TAFA2: variants seen among roughly 807,000 people sequenced by gnomAD.
TAFA2 encodes chemokine-like protein TAFA-2.
TAFA2 carries 7 observed loss-of-function variants against 18.8 expected under a neutral mutation model. The observed-to-expected ratio is 0.37, with a 90% confidence interval of 0.21 to 0.70. The LOEUF is 0.70. Ranked by LOEUF, TAFA2 falls within the 30% of genes least tolerant of loss-of-function variation. TAFA2 has a pLI of 0.53. For synonymous variants in TAFA2, 60 were observed against 54.2 expected (o/e 1.11, Z -0.47); for missense variants, 122 against 158.1 (o/e 0.77, Z 1.23).
intron 1 of TAFA2, among the ~76,000 whole-genome samples, chr12:62,078,261 C>T (rs1051097902): frequency 6.6e-6 from 1 of 152,162 alleles, no homozygotes; most frequent in Non-Finnish European, 1.5e-5. Flanking sequence ...CAGAGCCTAA[C>T]GTTTACCTCC....
At chr12:62,058,160 T>C (rs1259855969) in intron 1 of TAFA2, among the ~76,000 whole-genome samples, 2 of 152,218 alleles carry the variant, frequency 1.3e-5, no homozygotes, top group Non-Finnish European at 2.9e-5. Context: ...AAGTCAACTA[T>C]GCCTGTCATT....
At chr12:62,024,090 C>T (rs1881236308) in intron 1 of TAFA2, among the ~76,000 whole-genome samples, 1 of 152,110 alleles carries the variant, frequency 6.6e-6, no homozygotes, top group Admixed American at 6.6e-5. Flanking sequence ...TTGCATGCTT[C>T]CCATTTGGAG....
intron 2 of TAFA2, among the ~76,000 whole-genome samples, chr12:61,848,162 T>C (rs1383707958): frequency 6.6e-6 from 1 of 152,224 alleles, no homozygotes; most frequent in Non-Finnish European, 1.5e-5. Context: ...CAGATACACA[T>C]TTGCAAACGC....
At chr12:62,153,750 A>G (rs192562440) in intron 1 of TAFA2, among the ~76,000 whole-genome samples, 1 of 152,270 alleles carries the variant, frequency 6.6e-6, no homozygotes, top group East Asian at 1.9e-4. Context: ...TGCGGAATAA[A>G]AAGACATCTT....
chr12:62,043,510 G>C (rs1013583226), intron 1 of TAFA2, among the ~76,000 whole-genome samples: 1 of 152,090 alleles, frequency 6.6e-6, no homozygotes, highest in Non-Finnish European at 1.5e-5. Context: ...TACACCTAAT[G>C]TTAAATGGCG....
intron 2 of TAFA2, among the ~76,000 whole-genome samples, chr12:61,818,217 C>T (rs1479992062): frequency 2.6e-5 from 4 of 152,078 alleles, no homozygotes; most frequent in South Asian, 4.1e-4. Flanking sequence ...TATATTGTCA[C>T]GTCTGTCTTT....
chr12:62,156,409 T>G (rs1009898093), intron 1 of TAFA2, among the ~76,000 whole-genome samples: 3 of 152,006 alleles, frequency 2.0e-5, no homozygotes, highest in Admixed American at 2.0e-4. Flanking sequence ...GAACTAAAAG[T>G]AGAACTACCA....
chr12:61,729,838 C>G (rs1870356863), intron 4 of TAFA2, among the ~76,000 whole-genome samples: 1 of 152,060 alleles, frequency 6.6e-6, no homozygotes, highest in Admixed American at 6.6e-5. Context: ...CTGGTTCCTT[C>G]TCATTTGGGT....
chr12:62,134,930 G>T (rs1188419046), intron 1 of TAFA2, among the ~76,000 whole-genome samples: 1 of 151,734 alleles, frequency 6.6e-6, no homozygotes, highest in Non-Finnish European at 1.5e-5. Flanking sequence ...CTTTCTTCCT[G>T]ATCTCATCTC....
chr12:62,066,636 A>G (rs1198882701), intron 1 of TAFA2, among the ~76,000 whole-genome samples: 2 of 152,064 alleles, frequency 1.3e-5, no homozygotes, highest in Non-Finnish European at 2.9e-5. Flanking sequence ...GTTGTTGCAA[A>G]TAACAGGATC....
intron 1 of TAFA2, among the ~76,000 whole-genome samples, chr12:61,902,537 A>C (rs1344144500): frequency 6.6e-6 from 1 of 151,934 alleles, no homozygotes; most frequent in Non-Finnish European, 1.5e-5. Context: ...TGGCTCTCCT[A>C]TTGCCTTACT....
intron 1 of TAFA2, among the ~76,000 whole-genome samples, chr12:62,239,643 G>GA (rs1367943498): frequency 2.0e-5 from 3 of 152,074 alleles, no homozygotes; most frequent in Non-Finnish European, 4.4e-5. Context: ...ACCATGTTGT[G>GA]AAAAAAGAAA....
At chr12:61,905,977 C>T (rs1200977992) in intron 1 of TAFA2, among the ~76,000 whole-genome samples, 1 of 152,170 alleles carries the variant, frequency 6.6e-6, no homozygotes, top group Non-Finnish European at 1.5e-5. Flanking sequence ...TGTTAACATA[C>T]ATCTTTACTA....
At chr12:62,242,265 T>C (rs2062866027) in intron 1 of TAFA2, among the ~76,000 whole-genome samples, 1 of 151,898 alleles carries the variant, frequency 6.6e-6, no homozygotes, top group African/African-American at 2.4e-5. Context: ...TATGAGAAAA[T>C]TCTAGCCAAA....
At chr12:62,019,675 TG>T (rs948341300) in intron 1 of TAFA2, among the ~76,000 whole-genome samples, 35 of 57,776 alleles carry the variant, frequency 6.1e-4, no homozygotes, top group Admixed American at 2.0e-3. Flanking sequence ...TGTTGTGGGG[TG>T]GGGGGAGGGA....
intron 1 of TAFA2, among the ~76,000 whole-genome samples, chr12:62,218,295 C>T (rs990336436): frequency 2.0e-5 from 3 of 151,922 alleles, no homozygotes; most frequent in Non-Finnish European, 2.9e-5. Flanking sequence ...CTGCACCTGG[C>T]CTGAATTTTA....
At position 61,990,696 on chromosome 12, in the gene TAFA2, C is replaced by T. The variant is rs117980754; in HGVS notation, c.-1-123270G>A. On this transcript the variant is annotated intron_variant, in intron 1 of 4. Transcript: ENST00000416284. ...TATTCTGACCAACACACAGGGTTGT[C>T]GTAAGAATTAAACAAAATTACTTAT... 2.4e-3 allele frequency among the ~76,000 whole-genome samples: 358 copies of T among 152,172 alleles called. 13 individuals carry two copies. The East Asian group carries it at 0.057, about 24-fold the overall frequency.
At chr12:61,949,285 A>C (rs1241302954) in intron 1 of TAFA2, among the ~76,000 whole-genome samples, 1 of 152,072 alleles carries the variant, frequency 6.6e-6, no homozygotes, top group Non-Finnish European at 1.5e-5. Flanking sequence ...TCCAACGGAA[A>C]CATCAGCTCT....
intron 1 of TAFA2, among the ~76,000 whole-genome samples, chr12:61,963,898 A>C (rs922162742): frequency 6.6e-6 from 1 of 152,086 alleles, no homozygotes; most frequent in African/African-American, 2.4e-5. Flanking sequence ...CCAATGGAAC[A>C]GAACAGAGGC....
Sources: allele counts gnomAD v4.1 joint callset (sites outside exome capture counted in the v4.1 genomes callset), GRCh38; gene constraint gnomAD v4.1.1; transcripts MANE v1.5; gene names NCBI Gene and HGNC (gene_info 2026-07-23, HGNC 2026-07-21).